MRPS28: variants seen among roughly 807,000 people sequenced by gnomAD.
The protein encoded by MRPS28 is mitochondrial ribosomal protein S28.
In MRPS28, 7 loss-of-function variants were observed where a neutral mutation model predicts 10.8. The observed-to-expected ratio is 0.65, with a 90% CI of 0.37 to 1.22. MRPS28 has a LOEUF of 1.22. Ranked by LOEUF, MRPS28 falls within the 50% of genes most tolerant of loss-of-function variation. MRPS28 has a pLI of 0.02. For synonymous variants in MRPS28, 121 were observed against 93.3 expected, an observed-to-expected ratio of 1.30 and a Z score of -1.71; for missense variants, 265 against 232.9, an observed-to-expected ratio of 1.14 and a Z score of -0.90.
At chr8:80,029,027 C>A (rs1291475807) in intron 1 of MRPS28, among the ~76,000 whole-genome samples, 1 of 152,032 alleles carries the variant, frequency 6.6e-6, no homozygotes, top group African/African-American at 2.4e-5. Context: ...AAAGACAGGC[C>A]AGGAAGAGAT....
chr8:80,017,771 A>G (rs982446308), intron 1 of MRPS28, among the ~76,000 whole-genome samples: 1 of 152,170 alleles, frequency 6.6e-6, no homozygotes, highest in African/African-American at 2.4e-5. Flanking sequence ...AAACCACACA[A>G]AGACATTACA....
Position 79,970,777 on chromosome 8 carries a change from AT to A in MRPS28, c.395+32221del, listed in dbSNP as rs1196288383. Among the ~76,000 whole-genome samples, 4 of 152,218 alleles carry A rather than the reference AT, an allele frequency of 2.6e-5. No homozygotes were observed. In the South Asian group the frequency reaches 8.3e-4, roughly 31 times the overall value. ...ATATACTAGGTCTCAAAGAGATAAA[AT>A]GTTATAAATCCAAAACATACATTGC... On this transcript the variant is annotated intron_variant, in intron 2 of 2. Coordinates refer to ENST00000276585, the MANE Select transcript of MRPS28 (RefSeq NM_014018.3).
chr8:79,953,224 T>A (rs1206349384), intron 2 of MRPS28, among the ~76,000 whole-genome samples: 2 of 152,208 alleles, frequency 1.3e-5, no homozygotes, highest in African/African-American at 4.8e-5. Flanking sequence ...AGTTGCGTAT[T>A]CCATGACACA....
At chr8:79,920,139 C>T (rs1490817166) in intron 2 of MRPS28, among the ~76,000 whole-genome samples, 1 of 152,064 alleles carries the variant, frequency 6.6e-6, no homozygotes, top group Non-Finnish European at 1.5e-5. Flanking sequence ...TTTATGGCTG[C>T]ATAGTATTCC....
chr8:80,016,507 T>G (rs1351027485), intron 1 of MRPS28, among the ~76,000 whole-genome samples: 1 of 151,750 alleles, frequency 6.6e-6, no homozygotes, highest in Non-Finnish European at 1.5e-5. Context: ...CAAATAAAAA[T>G]TGAGGGAATT....
chr8:79,920,463 A>C (rs1810059619), intron 2 of MRPS28, among the ~76,000 whole-genome samples: 1 of 152,102 alleles, frequency 6.6e-6, no homozygotes, highest in African/African-American at 2.4e-5. Context: ...TTGTTTCCTG[A>C]CTTTTTAATG....
At chr8:80,025,135 G>C (rs548558762) in intron 1 of MRPS28, among the ~76,000 whole-genome samples, 2 of 152,176 alleles carry the variant, frequency 1.3e-5, no homozygotes, top group South Asian at 4.1e-4. Flanking sequence ...TGTAAATGTA[G>C]TATTTTGTTA....
chr8:79,952,423 A>C (rs1563524657), intron 2 of MRPS28, among the ~76,000 whole-genome samples: 2 of 152,200 alleles, frequency 1.3e-5, no homozygotes, highest in African/African-American at 2.4e-5. Flanking sequence ...CAAACATAAA[A>C]ATACACCAAG....
At chr8:79,939,887 G>A (rs539763375) in intron 2 of MRPS28, among the ~76,000 whole-genome samples, 3 of 151,824 alleles carry the variant, frequency 2.0e-5, no homozygotes, top group Admixed American at 1.3e-4. Flanking sequence ...GGAGAATGGC[G>A]TGAACCCGGG....
At chr8:79,959,178 G>A (rs1306400861) in intron 2 of MRPS28, among the ~76,000 whole-genome samples, 5 of 151,958 alleles carry the variant, frequency 3.3e-5, no homozygotes, top group South Asian at 2.1e-4. Flanking sequence ...ATTGCTAACC[G>A]ACTTTAATAA....
At chr8:79,920,768 G>A (rs1446802922) in intron 2 of MRPS28, among the ~76,000 whole-genome samples, 1 of 152,060 alleles carries the variant, frequency 6.6e-6, no homozygotes, top group East Asian at 1.9e-4. Context: ...AGTTTCTTTT[G>A]CTGTGCAGAA....
intron 1 of MRPS28, among the ~76,000 whole-genome samples, chr8:80,003,753 C>A (rs545295209): frequency 3.9e-4 from 60 of 152,292 alleles, no homozygotes; most frequent in Middle Eastern, 6.8e-3. Flanking sequence ...GAAGCTGTGA[C>A]AGACGGCACC....
intron 1 of MRPS28, among the ~76,000 whole-genome samples, chr8:80,014,945 A>G (rs1315951159): frequency 6.6e-6 from 1 of 152,180 alleles, no homozygotes; most frequent in Non-Finnish European, 1.5e-5. Context: ...CTGTTCTCAA[A>G]TGTGGAGAGA....
chr8:80,029,937 G>GC (rs1225676538), intron 1 of MRPS28, 99 bp downstream of exon 1: 1 of 1,538,380 alleles, frequency 6.5e-7, no homozygotes, highest in African/African-American at 1.4e-5. Context: ...CCGGACCTCA[G>GC]CTCCCCTTCC....
At chr8:79,979,540 G>C (rs1807894765) in intron 2 of MRPS28, among the ~76,000 whole-genome samples, 1 of 151,820 alleles carries the variant, frequency 6.6e-6, no homozygotes, top group African/African-American at 2.4e-5. Flanking sequence ...ATTTCTTCTT[G>C]TGAGACAGGG....
chr8:80,018,263 T>C (rs953766767), intron 1 of MRPS28, among the ~76,000 whole-genome samples: 9 of 110,726 alleles, frequency 8.1e-5, no homozygotes, highest in African/African-American at 3.3e-4. Flanking sequence ...GCCACTGCAA[T>C]CCAGCCTGGG....
intron 2 of MRPS28, among the ~76,000 whole-genome samples, chr8:79,999,320 C>T (rs1808592596): frequency 6.6e-6 from 1 of 152,220 alleles, no homozygotes; most frequent in Non-Finnish European, 1.5e-5. Context: ...GATCTCATTA[C>T]TTCCTTGTTC....
intron 2 of MRPS28, among the ~76,000 whole-genome samples, chr8:79,935,420 T>C (rs1563520198): frequency 6.6e-6 from 1 of 152,232 alleles, no homozygotes; most frequent in Non-Finnish European, 1.5e-5. Flanking sequence ...AAATGGTCTT[T>C]CATTCTCTTC....
chr8:80,019,924 C>A (rs57493538), intron 1 of MRPS28, among the ~76,000 whole-genome samples: 7,916 of 152,210 alleles, frequency 0.052, 663 homozygotes, highest in African/African-American at 0.18. Context: ...GCCCATGACA[C>A]AGCCTAAGGA....
Sources: gnomAD v4.1 joint callset for allele counts (sites outside exome capture counted in the v4.1 genomes callset) on GRCh38, gnomAD v4.1.1 for gene constraint, MANE v1.5 for transcripts, NCBI Gene and HGNC (gene_info 2026-07-23, HGNC 2026-07-21) for gene names.